Variants in NSG1 observed in about 807,000 individuals in gnomAD.
NSG1 encodes the protein neuronal vesicle trafficking-associated protein 1.
NSG1 carries 9 observed loss-of-function variants against 19.3 expected under a neutral mutation model. The ratio of observed to expected loss-of-function variants is 0.47; its 90% CI spans 0.28 to 0.81. The LOEUF (loss-of-function observed/expected upper bound fraction) is 0.81. Ranked by LOEUF, NSG1 falls within the 40% of genes least tolerant of loss-of-function variation. The pLI is 0.11. For missense variants in NSG1, 236 were observed against 242.4 expected, an observed-to-expected ratio of 0.97 and a Z score of 0.18; for synonymous variants, 104 against 107.0, an observed-to-expected ratio of 0.97 and a Z score of 0.17.
At chr4:4,404,025 G>T (rs2108742798) in intron 3 of NSG1, among the ~76,000 whole-genome samples, 1 of 152,340 alleles carries the variant, frequency 6.6e-6, no homozygotes, top group African/African-American at 2.4e-5. Flanking sequence ...GCTACTTGGA[G>T]TGGAGTCCAG....
chr4:4,408,038 C>T (rs1723961958), intron 3 of NSG1, among the ~76,000 whole-genome samples: 1 of 152,122 alleles, frequency 6.6e-6, no homozygotes, highest in Non-Finnish European at 1.5e-5. Context: ...TCCTGCTTCC[C>T]CAGGACCAGT....
chr4:4,398,517 CA>C (rs1723389418), intron 3 of NSG1, among the ~76,000 whole-genome samples: 7 of 152,096 alleles, frequency 4.6e-5, no homozygotes, highest in Admixed American at 3.3e-4. Flanking sequence ...CTAGACATGT[CA>C]TAGAAATAGA....
rs374955518 is a variant in NSG1 at position 4,414,357 on chromosome 4, G to C, written c.358-2878G>C. ...ATCCACAGCCAGCCTTGGGAATTGA[G>C]AGTCCCCTGATAAGTTGTTCTGGAG... On this transcript the variant is annotated intron_variant, in intron 4 of 4. Transcript: ENST00000621129. Among the ~76,000 whole-genome samples, 341 of 151,974 alleles carry C rather than the reference G, an allele frequency of 2.2e-3. 1 individual carries two copies. The highest frequency in any genetic ancestry group is 7.7e-3 in the African/African-American group (320 of 41,442).
At chr4:4,399,283 C>T (rs2108735766) in intron 3 of NSG1, among the ~76,000 whole-genome samples, 1 of 152,276 alleles carries the variant, frequency 6.6e-6, no homozygotes, top group Admixed American at 6.5e-5. Flanking sequence ...GCTGGGACTA[C>T]AGGCATTCAC....
At chr4:4,402,210 A>AC (rs1553817657) in intron 3 of NSG1, among the ~76,000 whole-genome samples, 1 of 140,460 alleles carries the variant, frequency 7.1e-6, no homozygotes, top group South Asian at 2.3e-4. Flanking sequence ...TTTTCCTTTG[A>AC]TTTTTTTTTT....
chr4:4,399,291 C>CT (rs1560142059), intron 3 of NSG1, among the ~76,000 whole-genome samples: 2 of 152,108 alleles, frequency 1.3e-5, no homozygotes, highest in African/African-American at 4.8e-5. Flanking sequence ...TACAGGCATT[C>CT]ACCACCACAC....
intron 2 of NSG1, among the ~76,000 whole-genome samples, chr4:4,389,393 T>C (rs1279160195): frequency 6.6e-6 from 1 of 152,170 alleles, no homozygotes; most frequent in Non-Finnish European, 1.5e-5. Flanking sequence ...AGACCTTCCA[T>C]CCCGGACTTC....
chr4:4,413,354 G>A (rs115849960), intron 4 of NSG1, among the ~76,000 whole-genome samples: 349 of 151,820 alleles, frequency 2.3e-3, no homozygotes, highest in Non-Finnish European at 4.3e-3. Flanking sequence ...TCTTGGGGGA[G>A]TGTGCCCAGC....
At chr4:4,388,477 GAAT>G (rs1424186425) in intron 2 of NSG1, among the ~76,000 whole-genome samples, 2 of 152,190 alleles carry the variant, frequency 1.3e-5, no homozygotes, top group African/African-American at 4.8e-5. Context: ...TGTTTGCTAA[GAAT>G]AATATTTCCA....
In NSG1 at chr4:4,417,477, C is replaced by T. The variant is rs184163135; in HGVS notation, c.*42C>T. The T allele has an allele frequency of 1.3e-6, 2 of 1,559,418 alleles. No homozygotes were observed. Among genetic ancestry groups the T allele is most frequent in the East Asian group, 2.2e-5 (1 of 44,566 alleles). On this transcript the variant is annotated 3_prime_UTR_variant, in exon 5 of 5. Transcript: ENST00000621129. ...CTTACAATGTGTCACTTGCAAATAA[C>T]AAAGGGACTTTGAGGGACATTTCAT...
intron 3 of NSG1, among the ~76,000 whole-genome samples, chr4:4,394,206 G>A (rs749677248): frequency 6.6e-6 from 1 of 152,120 alleles, no homozygotes. Context: ...CTCACCCCAG[G>A]CGCCATCGCT....
At chr4:4,416,670 A>T (rs1412055742) in intron 4 of NSG1, among the ~76,000 whole-genome samples, 1 of 149,652 alleles carries the variant, frequency 6.7e-6, no homozygotes, top group Non-Finnish European at 1.5e-5. Flanking sequence ...CCCCCAACCC[A>T]CGGCCCCTCC....
chr4:4,392,965 C>A (rs10017278), intron 3 of NSG1, among the ~76,000 whole-genome samples: 2 of 151,790 alleles, frequency 1.3e-5, no homozygotes, highest in African/African-American at 4.8e-5. Flanking sequence ...CCAAGACATA[C>A]TGATCCGAGG....
chr4:4,404,749 C>A (rs957680587), intron 3 of NSG1, among the ~76,000 whole-genome samples: 4 of 152,148 alleles, frequency 2.6e-5, no homozygotes, highest in African/African-American at 9.7e-5. Flanking sequence ...AGGAAAGTCT[C>A]CAAACTGTGA....
chr4:4,387,301 G>A (rs1722768993), intron 1 of NSG1, 128 bp downstream of exon 1: 2 of 278,046 alleles, frequency 7.2e-6, no homozygotes, highest in Non-Finnish European at 1.3e-5. Context: ...GCCCGGGTGC[G>A]GCGGCCCCAG....
chr4:4,397,940 C>T (rs1004365340), intron 3 of NSG1, among the ~76,000 whole-genome samples: 1 of 152,064 alleles, frequency 6.6e-6, no homozygotes, highest in African/African-American at 2.4e-5. Context: ...CTGGCCCATT[C>T]TTTATTTTTT....
At chr4:4,408,792 C>G (rs531489077) in intron 3 of NSG1, among the ~76,000 whole-genome samples, 1 of 152,174 alleles carries the variant, frequency 6.6e-6, no homozygotes, top group Non-Finnish European at 1.5e-5. Context: ...CTCGTCCCTG[C>G]CAGGCTCCCT....
chr4:4,386,819 C>T (rs1449381598), upstream of NSG1: 2 of 152,484 alleles, frequency 1.3e-5, no homozygotes, highest in East Asian at 3.9e-4. Context: ...CTCCGCCGCT[C>T]CGAGACCCCC....
At chr4:4,402,607 C>T (rs1273019429) in intron 3 of NSG1, among the ~76,000 whole-genome samples, 6 of 152,030 alleles carry the variant, frequency 3.9e-5, no homozygotes, top group Non-Finnish European at 7.4e-5. Flanking sequence ...CCAGGATGGT[C>T]TCGATCTCCT....
Sources: gnomAD v4.1 joint callset for allele counts (sites outside exome capture counted in the v4.1 genomes callset) on GRCh38, gnomAD v4.1.1 for gene constraint, MANE v1.5 for transcripts, NCBI Gene and HGNC (gene_info 2026-07-23, HGNC 2026-07-21) for gene names.